The following PARD6G variants were observed in gnomAD, a reference collection of about 807,000 sequenced individuals.
PARD6G encodes the protein par-6 family cell polarity regulator gamma, also known as partitioning defective 6 homolog gamma.
A neutral mutation model predicts 10.7 loss-of-function variants in PARD6G; 7 were observed. The observed-to-expected ratio is 0.66, with a 90% CI of 0.37 to 1.23. The LOEUF (loss-of-function observed/expected upper bound fraction) is 1.23. PARD6G is among the 50% of genes most tolerant of loss of function. PARD6G has a pLI of 0.02. For synonymous variants in PARD6G, 287 were observed against 269.4 expected, an observed-to-expected ratio of 1.07 and a Z score of -0.64; for missense variants, 548 against 571.8, an observed-to-expected ratio of 0.96 and a Z score of 0.42.
At chr18:80,219,489 C>T (rs1470246015) in intron 1 of PARD6G, among the ~76,000 whole-genome samples, 5 of 152,136 alleles carry the variant, frequency 3.3e-5, no homozygotes, top group African/African-American at 9.7e-5. Flanking sequence ...GGATTACAGG[C>T]GTGAGCCACT....
chr18:80,216,681 A>G (rs988369013), intron 1 of PARD6G, among the ~76,000 whole-genome samples: 6 of 152,188 alleles, frequency 3.9e-5, no homozygotes, highest in Non-Finnish European at 7.4e-5. Context: ...TTTCAATTCA[A>G]TAATCGAAAC....
chr18:80,234,147 T>C (rs1462507602), intron 1 of PARD6G, among the ~76,000 whole-genome samples: 2 of 151,498 alleles, frequency 1.3e-5, no homozygotes, highest in East Asian at 1.9e-4. Context: ...CCAAGAAAGA[T>C]TGTCCAACTT....
Position 80,188,021 on chromosome 18 carries a change from T to C in PARD6G, c.295+14689A>G, listed in dbSNP as rs1027302080. On this transcript the variant is annotated intron_variant, in intron 2 of 2. Coordinates refer to ENST00000353265, the MANE Select transcript of PARD6G (RefSeq NM_032510.4). This position sits in a 1 kb window ranked among gnomAD's most constrained non-coding sequence, Gnocchi z 5.4. ...TAAAATCTTACGGGACTGCTGCATA[T>C]GTGCTCCATCACTGACTGAAACGCT... is the stretch of plus-strand genomic sequence containing the variant. 1.3e-5 allele frequency: 2 copies of C among 152,234 alleles called. No homozygotes were observed. The highest frequency in any genetic ancestry group is 4.8e-5 in the African/African-American group (2 of 41,452). 9.4% of individuals were successfully genotyped at this position (152,234 alleles called of 1,614,324 possible).
intron 2 of PARD6G, among the ~76,000 whole-genome samples, chr18:80,196,273 A>G (rs1442911282): frequency 6.6e-6 from 1 of 152,196 alleles, no homozygotes; most frequent in African/African-American, 2.4e-5. Context: ...ACTACGTCCA[A>G]CTAACCACGT....
At position 80,184,558 on chromosome 18, in the gene PARD6G, AGGGAGCAAGGCCGTGAAACCCGCAGC is replaced by A. The variant is rs2052864053; in HGVS notation, c.295+18126_295+18151del. ...GGGAGCAAGGCAGTGAAACCCTCAG[AGGGAGCAAGGCCGTGAAACCCGCAGC>A]GGGAGCGAGGCGCGGAAACAGGCCA... is the stretch of plus-strand genomic sequence containing the variant. On this transcript the variant is annotated intron_variant, in intron 2 of 2. Transcript: ENST00000353265. The surrounding 1 kb of genome is among the most constrained non-coding windows in gnomAD (Gnocchi z 4.5). 2 of 150,710 alleles carry A rather than the reference AGGGAGCAAGGCCGTGAAACCCGCAGC, an allele frequency of 1.3e-5. No homozygotes were observed. Among genetic ancestry groups the A allele is most frequent in the African/African-American group, 4.9e-5 (2 of 40,658 alleles). 9.3% of individuals were successfully genotyped at this position (150,710 alleles called of 1,614,324 possible).
chr18:80,229,181 A>G (rs1967331671), intron 1 of PARD6G, among the ~76,000 whole-genome samples: 1 of 152,146 alleles, frequency 6.6e-6, no homozygotes, highest in Admixed American at 6.5e-5. Context: ...CTTGTGATCC[A>G]CCCACCTCGG....
intron 1 of PARD6G, among the ~76,000 whole-genome samples, chr18:80,244,659 G>C (rs1175460161): frequency 6.6e-6 from 1 of 152,138 alleles, no homozygotes; most frequent in African/African-American, 2.4e-5. Flanking sequence ...AATAACCGAT[G>C]CTTGGAAAAG....
Position 80,159,616 on chromosome 18 carries a change from G to T in PARD6G, c.*155C>A. 1 of 1,159,458 alleles carries T rather than the reference G, an allele frequency of 8.6e-7. No individual in the cohort carries two copies. Among genetic ancestry groups the T allele is most frequent in the Non-Finnish European group, 1.1e-6 (1 of 902,242 alleles). The allele number at this position is 1,159,458 out of a possible 1,614,324, so 71.8% of individuals were successfully genotyped here. On this transcript the variant is annotated 3_prime_UTR_variant, in exon 3 of 3. Transcript: ENST00000353265. ...CTGTGGCGAAATTCTATAAAAATAG[G>T]CAATACTTGTGTTTTTATATCCGGA...
intron 2 of PARD6G, among the ~76,000 whole-genome samples, chr18:80,198,940 A>G (rs1966982729): frequency 1.3e-5 from 2 of 152,140 alleles, no homozygotes; most frequent in Non-Finnish European, 2.9e-5. Context: ...GTAGAATTCA[A>G]TGGTTGTTGG....
At chr18:80,244,646 T>G (rs112051654) in intron 1 of PARD6G, among the ~76,000 whole-genome samples, 2 of 152,126 alleles carry the variant, frequency 1.3e-5, no homozygotes, top group African/African-American at 4.8e-5. Flanking sequence ...ATTTTACAGA[T>G]GAAATAACCG....
At chr18:80,215,910 T>C (rs533403559) in intron 1 of PARD6G, among the ~76,000 whole-genome samples, 1 of 152,006 alleles carries the variant, frequency 6.6e-6, no homozygotes, top group Admixed American at 6.5e-5. Context: ...GGGAAACAAA[T>C]AGGTTGAAAG....
rs1228784234 is a variant in PARD6G, at chr18:80,221,974, T to G, written c.73-19042A>C. ...AAGGATAAAACAGGAATAAACAAAA[T>G]AAGTGAAAGATTTATACATTGAAAA... On this transcript the variant is annotated intron_variant, in intron 1 of 2. Transcript: ENST00000353265. Among the ~76,000 whole-genome samples the G allele has an allele frequency of 2.0e-5, 3 of 152,062 alleles. No individual in the cohort carries two copies. In the South Asian group the frequency reaches 6.2e-4, roughly 32 times the overall value.
intron 2 of PARD6G, among the ~76,000 whole-genome samples, chr18:80,173,150 T>A (rs1372876783): frequency 6.6e-6 from 1 of 152,188 alleles, no homozygotes; most frequent in African/African-American, 2.4e-5. Context: ...AGAAAGTCCT[T>A]ATTAAGAAAT....
intron 2 of PARD6G, among the ~76,000 whole-genome samples, chr18:80,179,560 C>A (rs550749312): frequency 4.1e-4 from 63 of 152,332 alleles, no homozygotes; most frequent in African/African-American, 1.5e-3. Flanking sequence ...CTGCCCTGGG[C>A]CCACGTTAAA....
intron 1 of PARD6G, among the ~76,000 whole-genome samples, chr18:80,209,675 G>C (rs889698076): frequency 3.9e-5 from 6 of 152,122 alleles, no homozygotes; most frequent in African/African-American, 1.4e-4. Flanking sequence ...AGCCAGGCGT[G>C]GTGGCACACG....
At chr18:80,240,057 C>G (rs1416130795) in intron 1 of PARD6G, among the ~76,000 whole-genome samples, 1 of 152,180 alleles carries the variant, frequency 6.6e-6, no homozygotes, top group Admixed American at 6.5e-5. Flanking sequence ...CTTGCTAGAA[C>G]TCATAGAGCA....
chr18:80,183,812 A>G lies in PARD6G; in HGVS notation c.295+18898T>C, dbSNP rs2052859666. On this transcript the variant is annotated intron_variant, in intron 2 of 2. Coordinates refer to ENST00000353265, the MANE Select transcript of PARD6G (RefSeq NM_032510.4). The surrounding 1 kb of genome is among the most constrained non-coding windows in gnomAD (Gnocchi z 4.5). ...TAAGTCCTCTAAATAAAGCTGTGGT[A>G]TGAAGTTTAAATGCCCCAAGTCAGA... 6.6e-6 allele frequency: 1 copy of G among 152,304 alleles called. No homozygotes were observed. The highest frequency in any genetic ancestry group is 2.4e-5 in the African/African-American group (1 of 41,458). 9.4% of individuals were successfully genotyped at this position (152,304 alleles called of 1,614,324 possible).
intron 2 of PARD6G, among the ~76,000 whole-genome samples, chr18:80,174,525 A>C (rs952179562): frequency 2.6e-5 from 4 of 152,196 alleles, no homozygotes; most frequent in Admixed American, 6.5e-5. Flanking sequence ...CAGTGCACTG[A>C]GAAAAGACTC....
intron 1 of PARD6G, among the ~76,000 whole-genome samples, chr18:80,219,671 G>A (rs372339808): frequency 2.6e-5 from 4 of 152,118 alleles, no homozygotes; most frequent in African/African-American, 7.2e-5. Flanking sequence ...ACAAAATGCC[G>A]CCAGTCTCTT....
Sources: gnomAD v4.1 joint callset for allele counts (sites outside exome capture counted in the v4.1 genomes callset) on GRCh38, gnomAD v4.1.1 for gene constraint, Gnocchi (gnomAD v3.1) non-coding constraint, MANE v1.5 for transcripts, NCBI Gene and HGNC (gene_info 2026-07-23, HGNC 2026-07-21) for gene names.